The following MBNL2 variants were observed in gnomAD, a reference collection of about 807,000 sequenced individuals.
MBNL2 encodes the protein muscleblind like splicing regulator 2.
Under a neutral mutation model 41.9 loss-of-function variants are expected in MBNL2, and 17 were observed. That is an observed-to-expected ratio of 0.41 (90% CI 0.28 to 0.61). The LOEUF (loss-of-function observed/expected upper bound fraction) is 0.61, where lower values mean the gene tolerates loss of function less well. Among genes scored for constraint, MBNL2 ranks in the 20% least tolerant of loss-of-function variants. The probability of loss-of-function intolerance (pLI) is 0.35; values close to 1 mark genes in which losing one functional copy is unlikely to be tolerated. For synonymous variants in MBNL2, 195 were observed against 182.9 expected, an observed-to-expected ratio of 1.07 and a Z score of -0.53; for missense variants, 336 against 505.6, an observed-to-expected ratio of 0.66 and a Z score of 3.22.
At chr13:97,259,543 C>T (rs2048212183) in intron 1 of MBNL2, among the ~76,000 whole-genome samples, 1 of 152,156 alleles carries the variant, frequency 6.6e-6, no homozygotes, top group South Asian at 2.1e-4. Flanking sequence ...TCCCCCTTCC[C>T]CCGATTCAGA....
intron 2 of MBNL2, among the ~76,000 whole-genome samples, chr13:97,290,678 G>A (rs866786138): frequency 1.3e-4 from 10 of 75,062 alleles, no homozygotes; most frequent in African/African-American, 5.1e-4. Flanking sequence ...GCGAGACTCC[G>A]TCTCAAAAAA....
chr13:97,296,856 C>G (rs1032449622), intron 2 of MBNL2, among the ~76,000 whole-genome samples: 1 of 152,168 alleles, frequency 6.6e-6, no homozygotes, highest in African/African-American at 2.4e-5. Flanking sequence ...TGTGATCAAG[C>G]TGACTCATTG....
intron 1 of MBNL2, among the ~76,000 whole-genome samples, chr13:97,261,081 T>C (rs2048526938): frequency 6.6e-6 from 1 of 151,308 alleles, no homozygotes; most frequent in Admixed American, 6.6e-5. Context: ...CCTGCCTTTT[T>C]CTTCTCCTTG....
Position 97,342,097 on chromosome 13 carries a change from A to G in MBNL2, c.340-919A>G, listed in dbSNP as rs1027822550. On this transcript the variant is annotated intron_variant, in intron 3 of 8. Coordinates refer to ENST00000679496, the MANE Select transcript of MBNL2 (RefSeq NM_001382683.1). ...TTGGTGTACAATTTATTCTAAGAAA[A>G]ATCTTTAGAATTTTAAATTACTTAA... 3.3e-5 allele frequency among the ~76,000 whole-genome samples: 5 copies of G among 152,230 alleles called. No homozygotes were observed. The East Asian group carries it at 9.6e-4, about 29-fold the overall frequency.
chr13:97,222,903 A>C (rs1410756), intron 1 of MBNL2, among the ~76,000 whole-genome samples: 1 of 152,154 alleles, frequency 6.6e-6, no homozygotes, highest in African/African-American at 2.4e-5. Context: ...CTATTATTTG[A>C]AAACAGACTT....
intron 1 of MBNL2, among the ~76,000 whole-genome samples, chr13:97,257,054 T>G (rs1480569701): frequency 6.6e-6 from 1 of 152,232 alleles, no homozygotes; most frequent in Non-Finnish European, 1.5e-5. Context: ...GCCAATTTGC[T>G]TTTTCATGCA....
intron 1 of MBNL2, among the ~76,000 whole-genome samples, chr13:97,240,283 CA>C (rs2044027565): frequency 6.6e-6 from 1 of 152,346 alleles, no homozygotes; most frequent in Admixed American, 6.5e-5. Flanking sequence ...GGCTCTGCCA[CA>C]GACTAGCTGC....
the MBNL2 span, among the ~76,000 whole-genome samples, chr13:97,194,481 CT>C: frequency 6.6e-6 from 1 of 152,210 alleles, no homozygotes; most frequent in African/African-American, 2.4e-5. Context: ...ACAAACATCT[CT>C]TTGTATAATC....
chr13:97,253,608 G>A (rs1437121399), intron 1 of MBNL2, among the ~76,000 whole-genome samples: 1 of 152,148 alleles, frequency 6.6e-6, no homozygotes, highest in East Asian at 1.9e-4. Context: ...TTTCTCAGAT[G>A]AGGAAAGTTG....
chr13:97,225,824 G>C (rs1461158927), intron 1 of MBNL2, among the ~76,000 whole-genome samples: 1 of 152,166 alleles, frequency 6.6e-6, no homozygotes, highest in African/African-American at 2.4e-5. Flanking sequence ...AGAAGTAAAG[G>C]TGTCATGGGC....
At chr13:97,360,620 A>G (rs1316820366) in intron 7 of MBNL2, among the ~76,000 whole-genome samples, 1 of 152,246 alleles carries the variant, frequency 6.6e-6, no homozygotes, top group African/African-American at 2.4e-5. Flanking sequence ...CAGTTCTGTT[A>G]GTGGCAGGCA....
chr13:97,226,768 A>T (rs1467923866), intron 1 of MBNL2, among the ~76,000 whole-genome samples: 1 of 152,218 alleles, frequency 6.6e-6, no homozygotes. Context: ...TGCAAAAAAA[A>T]ATCAAAATAT....
chr13:97,300,315 A>G (rs1300779511), intron 2 of MBNL2, among the ~76,000 whole-genome samples: 1 of 152,196 alleles, frequency 6.6e-6, no homozygotes, highest in Admixed American at 6.5e-5. Context: ...GTTTTGGTGG[A>G]CAGCTAACTA....
chr13:97,366,608 A>G lies in MBNL2; in HGVS notation c.1048+1437A>G. 9.3e-7 allele frequency: 1 copy of G among 1,070,424 alleles called. No homozygotes were observed. Among genetic ancestry groups the G allele is most frequent in the Non-Finnish European group, 1.4e-6 (1 of 699,988 alleles). 66.3% of individuals were successfully genotyped at this position (1,070,424 alleles called of 1,614,324 possible). On this transcript the variant is annotated intron_variant, in intron 8 of 8. Transcript: ENST00000679496. This position sits in a 1 kb window ranked among gnomAD's most constrained non-coding sequence, Gnocchi z 4.7. ...AATCCCAAACTCTAAATGAGTGCTG[A>G]TATTTAAAAAAAAAATTCTCGGTGA...
intron 5 of MBNL2, among the ~76,000 whole-genome samples, chr13:97,352,281 A>G (rs1054699112): frequency 2.0e-5 from 3 of 152,318 alleles, no homozygotes; most frequent in South Asian, 4.1e-4. Context: ...CTTTTAGCCT[A>G]TCTTGGCTTT....
intron 2 of MBNL2, among the ~76,000 whole-genome samples, chr13:97,301,685 G>A (rs775746771): frequency 1.3e-5 from 2 of 152,156 alleles, no homozygotes; most frequent in Non-Finnish European, 2.9e-5. Context: ...CGCCAGCCCC[G>A]GGGGAAAGAA....
At position 97,334,530 on chromosome 13, in the gene MBNL2, T is replaced by G; in HGVS notation, c.339+90T>G. 1 of 875,818 alleles carries G rather than the reference T, an allele frequency of 1.1e-6. No individual in the cohort carries two copies. Among genetic ancestry groups the G allele is most frequent in the Non-Finnish European group, 1.7e-6 (1 of 593,598 alleles). 54.3% of individuals were successfully genotyped at this position (875,818 alleles called of 1,614,324 possible). On this transcript the variant is annotated intron_variant, in intron 3 of 8. Coordinates refer to ENST00000679496, the MANE Select transcript of MBNL2 (RefSeq NM_001382683.1). The surrounding 1 kb of genome is among the most constrained non-coding windows in gnomAD (Gnocchi z 5.3). ...TGACCTAGGGTGGCCTCTCTCCACT[T>G]TGTCACTTTGGTTACAATTAAAGCA... is the stretch of plus-strand genomic sequence containing the variant.
intron 2 of MBNL2, among the ~76,000 whole-genome samples, chr13:97,333,780 G>A (rs1052002886): frequency 7.0e-6 from 1 of 142,782 alleles, no homozygotes; most frequent in African/African-American, 2.6e-5. Context: ...CAACTGTATA[G>A]CAAGTTCAAA....
rs1006141244 is a variant in MBNL2 at position 97,238,306 on chromosome 13, C to G, written c.-605+15775C>G. On this transcript the variant is annotated intron_variant, in intron 1 of 8. Coordinates refer to ENST00000679496, the MANE Select transcript of MBNL2 (RefSeq NM_001382683.1). ...GGTAGATGACACAGGCTTGGGAAAGCCTTACATTGAAGGGAATTTCCTAGG... is the reference window on the plus strand; with the variant it reads ...GGTAGATGACACAGGCTTGGGAAAGGCTTACATTGAAGGGAATTTCCTAGG... 3.3e-5 allele frequency among the ~76,000 whole-genome samples: 5 copies of G among 152,106 alleles called. No individual in the cohort carries two copies. The South Asian group carries it at 8.3e-4, about 25-fold the overall frequency.
Sources: gnomAD v4.1 joint callset for allele counts (sites outside exome capture counted in the v4.1 genomes callset) on GRCh38, gnomAD v4.1.1 for gene constraint, Gnocchi (gnomAD v3.1) non-coding constraint, MANE v1.5 for transcripts, NCBI Gene and HGNC (gene_info 2026-07-23, HGNC 2026-07-21) for gene names.